ERC2: variants seen among roughly 807,000 people sequenced by gnomAD.
ERC2 encodes ELKS/RAB6-interacting/CAST family member 2, also known as ERC protein 2.
In ERC2, 42 loss-of-function variants were observed where a neutral mutation model predicts 114.8. That is an observed-to-expected ratio of 0.37 (90% CI 0.29 to 0.47). The LOEUF (loss-of-function observed/expected upper bound fraction) is 0.47. ERC2 is among the 20% of genes least tolerant of loss of function. The pLI is 0.99. For missense variants in ERC2, 939 were observed against 1,150.7 expected (o/e 0.82, Z 2.66); for synonymous variants, 454 against 425.5 (o/e 1.07, Z -0.82).
chr3:56,451,291 G>A lies in ERC2; in HGVS notation c.-140-16144C>T, dbSNP rs1041726857. ...ACATTTATAATGGCATAAGGATTAC[G>A]TGTAAATAGCTTTTTACTAGAAAAG... is the stretch of plus-strand genomic sequence containing the variant. On this transcript the variant is annotated intron_variant, in intron 1 of 17. Coordinates refer to ENST00000288221, the MANE Select transcript of ERC2 (RefSeq NM_015576.3). 3.3e-5 allele frequency among the ~76,000 whole-genome samples: 5 copies of A among 152,126 alleles called. No individual in the cohort carries two copies. In the East Asian group the frequency reaches 9.7e-4, roughly 29 times the overall value.
intron 3 of ERC2, among the ~76,000 whole-genome samples, chr3:56,259,578 G>A (rs2052769206): frequency 6.6e-6 from 1 of 151,868 alleles, no homozygotes; most frequent in Admixed American, 6.6e-5. Context: ...AATAAGTTTT[G>A]ATATAATATC....
intron 7 of ERC2, among the ~76,000 whole-genome samples, chr3:56,078,500 G>A (rs554405428): frequency 1.3e-5 from 2 of 152,128 alleles, no homozygotes; most frequent in East Asian, 3.9e-4. Context: ...ACAAAATCAT[G>A]GGGAATATCC....
chr3:56,313,364 C>T (rs1345197153), intron 2 of ERC2, among the ~76,000 whole-genome samples: 1 of 151,966 alleles, frequency 6.6e-6, no homozygotes, highest in East Asian at 1.9e-4. Flanking sequence ...AATTATATCT[C>T]AATAAAGCTG....
At chr3:56,037,928 A>C (rs1009732992) in intron 7 of ERC2, among the ~76,000 whole-genome samples, 1 of 152,172 alleles carries the variant, frequency 6.6e-6, no homozygotes, top group African/African-American at 2.4e-5. Context: ...CCTTCCTCAC[A>C]CCTTATACAA....
intron 2 of ERC2, among the ~76,000 whole-genome samples, chr3:56,412,920 G>T (rs1443110653): frequency 1.3e-5 from 2 of 152,172 alleles, no homozygotes; most frequent in East Asian, 3.8e-4. Context: ...CATATTAACA[G>T]GATTTATCTT....
At chr3:56,254,543 A>ATACC (rs772253595) in intron 3 of ERC2, among the ~76,000 whole-genome samples, 5 of 152,216 alleles carry the variant, frequency 3.3e-5, no homozygotes, top group Non-Finnish European at 7.3e-5. Flanking sequence ...GATTCCCCAC[A>ATACC]TACCAACTGG....
Position 56,186,114 on chromosome 3 carries a change from T to TAAAAAAAAAAAAAAAAAAAAAA in ERC2, c.1075-12616_1075-12595dup, listed in dbSNP as rs201544979. ...GAAAGCATATACATCTCAAGAACCTTAAAAAAAAAAAAAAAAAAAAAAAAA... is the reference window on the plus strand; with the variant it reads ...GAAAGCATATACATCTCAAGAACCTTAAAAAAAAAAAAAAAAAAAAAAAAAAAAAAAAAAAAAAAAAAAAAAA... On this transcript the variant is annotated intron_variant, in intron 3 of 17. Coordinates refer to ENST00000288221, the MANE Select transcript of ERC2 (RefSeq NM_015576.3). Among the ~76,000 whole-genome samples the TAAAAAAAAAAAAAAAAAAAAAA allele has an allele frequency of 3.7e-4, 38 of 102,530 alleles. 1 individual carries two copies. The highest frequency in any genetic ancestry group is 1.2e-3 in the East Asian group (5 of 4,002). 67.3% of individuals were successfully genotyped at this position (102,530 alleles called of 152,430 possible).
At chr3:56,411,790 A>G (rs913900676) in intron 2 of ERC2, among the ~76,000 whole-genome samples, 1 of 152,138 alleles carries the variant, frequency 6.6e-6, no homozygotes, top group African/African-American at 2.4e-5. Flanking sequence ...AACCAGAGCT[A>G]TGAACTCCAG....
At chr3:56,265,508 A>G (rs1175214538) in intron 3 of ERC2, among the ~76,000 whole-genome samples, 1 of 152,250 alleles carries the variant, frequency 6.6e-6, no homozygotes, top group East Asian at 1.9e-4. Context: ...CACCTAGAAG[A>G]AAATATAGGA....
Position 55,714,633 on chromosome 3 carries a change from GTA to G in ERC2, c.2713-15123_2713-15122del, listed in dbSNP as rs1461459398. On this transcript the variant is annotated intron_variant, in intron 15 of 17. Coordinates refer to ENST00000288221, the MANE Select transcript of ERC2 (RefSeq NM_015576.3). ...TACATTTAAATATATATATGGGTTT[GTA>G]TATATGTGTGTGTGTGTGTGTGTGT... Among the ~76,000 whole-genome samples, 257 of 130,520 alleles carry G rather than the reference GTA, an allele frequency of 2.0e-3. 2 individuals carry two copies. The highest frequency in any genetic ancestry group is 4.0e-3 in the African/African-American group (138 of 34,564). The allele number at this position is 130,520 out of a possible 152,430, so 85.6% of individuals were successfully genotyped here.
intron 14 of ERC2, among the ~76,000 whole-genome samples, chr3:55,779,164 C>A (rs1200285522): frequency 6.6e-6 from 1 of 151,812 alleles, no homozygotes; most frequent in African/African-American, 2.4e-5. Flanking sequence ...CAAGAACAGA[C>A]CAATGTTTTT....
chr3:55,577,025 G>T (rs2057019901), intron 17 of ERC2, among the ~76,000 whole-genome samples: 1 of 152,190 alleles, frequency 6.6e-6, no homozygotes, highest in Non-Finnish European at 1.5e-5. Context: ...TTGCCAACAG[G>T]CTATTGTCTG....
chr3:56,286,672 A>C (rs1560524440), intron 3 of ERC2, among the ~76,000 whole-genome samples: 1 of 152,144 alleles, frequency 6.6e-6, no homozygotes, highest in Non-Finnish European at 1.5e-5. Flanking sequence ...TTTGTGGACC[A>C]AGAGGCAAAA....
intron 6 of ERC2, among the ~76,000 whole-genome samples, chr3:56,096,529 A>T (rs2078074333): frequency 6.6e-6 from 1 of 152,184 alleles, no homozygotes; most frequent in Non-Finnish European, 1.5e-5. Context: ...GGGTGAATGT[A>T]CTAAAATTAT....
intron 12 of ERC2, among the ~76,000 whole-genome samples, chr3:55,961,818 A>G (rs545234743): frequency 6.9e-6 from 1 of 145,634 alleles, no homozygotes; most frequent in Non-Finnish European, 1.5e-5. Flanking sequence ...TCATAAAATG[A>G]TTGTCAGTTC....
At chr3:55,863,479 A>G (rs539358365) in intron 14 of ERC2, among the ~76,000 whole-genome samples, 8 of 152,302 alleles carry the variant, frequency 5.3e-5, no homozygotes, top group Admixed American at 2.0e-4. Flanking sequence ...TTCAAAATGT[A>G]GATTTTAGAG....
intron 12 of ERC2, among the ~76,000 whole-genome samples, chr3:55,966,523 A>T (rs2068759888): frequency 6.6e-6 from 1 of 152,170 alleles, no homozygotes; most frequent in South Asian, 2.1e-4. Flanking sequence ...TGTTGTATAT[A>T]CACCTCATTT....
intron 13 of ERC2, among the ~76,000 whole-genome samples, chr3:55,948,937 A>G (rs2067303713): frequency 6.6e-6 from 1 of 152,200 alleles, no homozygotes; most frequent in African/African-American, 2.4e-5. Context: ...TCTGTACCCA[A>G]GTACAATTCT....
chr3:55,996,191 C>A (rs982614534), intron 10 of ERC2, among the ~76,000 whole-genome samples: 36 of 152,154 alleles, frequency 2.4e-4, no homozygotes, highest in African/African-American at 8.4e-4. Flanking sequence ...AGCTCCCCAA[C>A]AAGGTCTGGG....
Sources: gnomAD v4.1 joint callset for allele counts (sites outside exome capture counted in the v4.1 genomes callset) on GRCh38, gnomAD v4.1.1 for gene constraint, MANE v1.5 for transcripts, NCBI Gene and HGNC (gene_info 2026-07-23, HGNC 2026-07-21) for gene names.